Variants in PCDHGA12 observed in about 807,000 individuals in gnomAD.
PCDHGA12 encodes the protein protocadherin gamma-A12.
PCDHGA12 carries 43 observed loss-of-function variants against 61.1 expected under a neutral mutation model. The ratio of observed to expected loss-of-function variants is 0.70; its 90% CI spans 0.55 to 0.91. The LOEUF is 0.91. PCDHGA12 is among the 40% of genes least tolerant of loss of function. The pLI, the probability that PCDHGA12 is intolerant of heterozygous loss-of-function variation, is 0.00. For synonymous variants in PCDHGA12, 520 were observed against 542.9 expected, an observed-to-expected ratio of 0.96 and a Z score of 0.59; for missense variants, 1,236 against 1,227.7, an observed-to-expected ratio of 1.01 and a Z score of -0.10.
At chr5:141,482,239 A>G (rs529504334) in intron 1 of PCDHGA12, among the ~76,000 whole-genome samples, 31 of 152,332 alleles carry the variant, frequency 2.0e-4, no homozygotes, top group Middle Eastern at 3.4e-3. Context: ...TGCCAATATA[A>G]GTATAGTACT....
rs767577725 is a variant in PCDHGA12 at position 141,485,642 on chromosome 5, G to T, written c.2425-9165G>T. 4.3e-6 allele frequency: 7 copies of T among 1,612,162 alleles called. No homozygotes were observed. The highest frequency in any genetic ancestry group is 1.7e-5 in the Admixed American group (1 of 59,938). ...AGGACAGCGTTTCCCGTTGGAAAAGGCTCAGGATGCAGATGTGGGGAGCAA... is the reference window on the plus strand; with the variant it reads ...AGGACAGCGTTTCCCGTTGGAAAAGTCTCAGGATGCAGATGTGGGGAGCAA... On this transcript the variant is annotated intron_variant, in intron 1 of 3. Coordinates refer to ENST00000252085, the MANE Select transcript of PCDHGA12 (RefSeq NM_003735.3). This position sits in a 1 kb window ranked among gnomAD's most constrained non-coding sequence, Gnocchi z 5.7.
At chr5:141,500,488 C>T (rs569168291) in intron 2 of PCDHGA12, among the ~76,000 whole-genome samples, 4 of 152,178 alleles carry the variant, frequency 2.6e-5, no homozygotes, top group South Asian at 2.1e-4. Flanking sequence ...GGATTACAGG[C>T]GTGAGCCACC....
Position 141,487,321 on chromosome 5 carries a change from T to C in PCDHGA12, c.2425-7486T>C. 1.2e-6 allele frequency: 2 copies of C among 1,614,198 alleles called. No individual in the cohort carries two copies. The highest frequency in any genetic ancestry group is 1.7e-6 in the Non-Finnish European group (2 of 1,180,040). Reference sequence around the variant, plus strand: ...TCGTGGCACTACTCTCTAAGTGTCTTCGTGGGGCAGCCTGTGGAGTCACAT... The same window carrying C: ...TCGTGGCACTACTCTCTAAGTGTCTCCGTGGGGCAGCCTGTGGAGTCACAT... On this transcript the variant is annotated intron_variant, in intron 1 of 3. Transcript: ENST00000252085. The surrounding 1 kb of genome is among the most constrained non-coding windows in gnomAD (Gnocchi z 5.0).
intron 1 of PCDHGA12, chr5:141,478,121 G>A (rs1393103666): frequency 1.2e-6 from 2 of 1,613,918 alleles, no homozygotes; most frequent in South Asian, 1.1e-5. Flanking sequence ...AGTAACCGAG[G>A]ACTCTCCTGA....
chr5:141,439,124 C>A (rs550781116), intron 1 of PCDHGA12, among the ~76,000 whole-genome samples: 332 of 150,120 alleles, frequency 2.2e-3, no homozygotes, highest in Non-Finnish European at 3.9e-3. Context: ...ACCCGGGAGA[C>A]AGAGGTTGCA....
chr5:141,442,472 C>T (rs1032989256), intron 1 of PCDHGA12: 1 of 152,204 alleles, frequency 6.6e-6, no homozygotes, highest in Non-Finnish European at 1.5e-5. Context: ...GCAGAAAGCC[C>T]CTTGGGGAAG....
intron 1 of PCDHGA12, among the ~76,000 whole-genome samples, chr5:141,449,525 G>T (rs2098641561): frequency 6.7e-6 from 1 of 148,580 alleles, no homozygotes; most frequent in South Asian, 2.1e-4. Flanking sequence ...GGAGGCGGAG[G>T]TTGCAGTGAG....
chr5:141,496,160 G>C (rs1428576442), intron 2 of PCDHGA12, among the ~76,000 whole-genome samples: 2 of 151,600 alleles, frequency 1.3e-5, no homozygotes, highest in Admixed American at 6.6e-5. Flanking sequence ...CTCTCCACCA[G>C]ACACCCTCCC....
intron 1 of PCDHGA12, among the ~76,000 whole-genome samples, chr5:141,484,675 T>C (rs1179759392): frequency 6.6e-6 from 1 of 152,042 alleles, no homozygotes; most frequent in African/African-American, 2.4e-5. Context: ...GGGCCGCAGG[T>C]TGCTAGGGCT....
At chr5:141,434,875 A>G (rs2097725018) in intron 1 of PCDHGA12, among the ~76,000 whole-genome samples, 1 of 151,990 alleles carries the variant, frequency 6.6e-6, no homozygotes, top group African/African-American at 2.4e-5. Flanking sequence ...TGTGACAGAT[A>G]CCAACAACAA....
At chr5:141,461,819 A>T (rs573339238) in intron 1 of PCDHGA12, among the ~76,000 whole-genome samples, 68 of 149,282 alleles carry the variant, frequency 4.6e-4, no homozygotes, top group Non-Finnish European at 9.5e-4. Flanking sequence ...ACACCCAGCT[A>T]ATTTTTTTTT....
At chr5:141,460,817 A>G (rs527681610) in intron 1 of PCDHGA12, among the ~76,000 whole-genome samples, 3 of 152,126 alleles carry the variant, frequency 2.0e-5, no homozygotes, top group South Asian at 2.1e-4. Context: ...ATGTATACAT[A>G]TATACACACT....
intron 1 of PCDHGA12, chr5:141,441,671 C>A (rs1027440120): frequency 7.0e-6 from 2 of 287,530 alleles, no homozygotes; most frequent in South Asian, 2.9e-5. Flanking sequence ...GCGCACAGTG[C>A]GCCTTCGACC....
rs948944459 is a variant in PCDHGA12 at position 141,476,485 on chromosome 5, G to T, written c.2425-18322G>T. 1 of 1,614,076 alleles carries T rather than the reference G, an allele frequency of 6.2e-7. No individual in the cohort carries two copies. The highest frequency in any genetic ancestry group is 8.5e-7 in the Non-Finnish European group (1 of 1,180,016). ...CGCTGGAGCTGTTCAGCGTGGAAGT[G>T]GTGATCCAGGACATCAACGACAACA... is the stretch of plus-strand genomic sequence containing the variant. On this transcript the variant is annotated intron_variant, in intron 1 of 3. Coordinates refer to ENST00000252085, the MANE Select transcript of PCDHGA12 (RefSeq NM_003735.3). The surrounding 1 kb of genome is among the most constrained non-coding windows in gnomAD (Gnocchi z 7.6).
intron 1 of PCDHGA12, among the ~76,000 whole-genome samples, chr5:141,458,112 A>C (rs2098937913): frequency 6.6e-6 from 1 of 152,208 alleles, no homozygotes; most frequent in Non-Finnish European, 1.5e-5. Context: ...ATAGTCTCCA[A>C]ATTTTAGAGG....
In PCDHGA12 at chr5:141,490,498, T is replaced by C. The variant is rs544031284; in HGVS notation, c.2425-4309T>C. On this transcript the variant is annotated intron_variant, in intron 1 of 3. Coordinates refer to ENST00000252085, the MANE Select transcript of PCDHGA12 (RefSeq NM_003735.3). This position sits in a 1 kb window ranked among gnomAD's most constrained non-coding sequence, Gnocchi z 5.4. ...TTTGGACCGGGAGGCCACATCCCAC[T>C]ATATCATCGAGCTGCTGGCCAGCGA... 1.2e-6 allele frequency: 2 copies of C among 1,614,132 alleles called. No individual in the cohort carries two copies. Among genetic ancestry groups the C allele is most frequent in the African/African-American group, 1.3e-5 (1 of 75,038 alleles).
chr5:141,503,213 A>G (rs1368413073), intron 2 of PCDHGA12, among the ~76,000 whole-genome samples: 1 of 152,100 alleles, frequency 6.6e-6, no homozygotes, highest in Non-Finnish European at 1.5e-5. Flanking sequence ...AGTGCCCACC[A>G]TGAGCACCGT....
intron 1 of PCDHGA12, among the ~76,000 whole-genome samples, chr5:141,435,367 A>C (rs2097758993): frequency 1.3e-5 from 2 of 152,194 alleles, no homozygotes; most frequent in African/African-American, 4.8e-5. Flanking sequence ...TTTATCACTT[A>C]AATATACAAT....
chr5:141,462,354 C>T (rs1157515386), intron 1 of PCDHGA12, among the ~76,000 whole-genome samples: 1 of 152,162 alleles, frequency 6.6e-6, no homozygotes, highest in Non-Finnish European at 1.5e-5. Flanking sequence ...CAAAAATATA[C>T]ATTGTATAGT....
Sources: gnomAD v4.1 joint callset for allele counts (sites outside exome capture counted in the v4.1 genomes callset) on GRCh38, gnomAD v4.1.1 for gene constraint, Gnocchi (gnomAD v3.1) non-coding constraint, MANE v1.5 for transcripts, NCBI Gene and HGNC (gene_info 2026-07-23, HGNC 2026-07-21) for gene names.